ARSG: variants seen among roughly 807,000 people sequenced by gnomAD.
ARSG encodes ASG.
A neutral mutation model predicts 50.5 loss-of-function variants in ARSG; 37 were observed. The ratio of observed to expected loss-of-function variants is 0.73; its 90% confidence interval spans 0.56 to 0.96. The LOEUF (loss-of-function observed/expected upper bound fraction) is 0.96, where lower values mean the gene tolerates loss of function less well. Ranked by LOEUF, ARSG falls within the 50% of genes least tolerant of loss-of-function variation. ARSG has a pLI of 0.00. For synonymous variants in ARSG, 225 were observed against 254.6 expected, an observed-to-expected ratio of 0.88 and a Z score of 1.11; for missense variants, 629 against 675.3, an observed-to-expected ratio of 0.93 and a Z score of 0.76.
In ARSG at chr17:68,399,238, G is replaced by C. The variant is rs2081375336; in HGVS notation, c.1213-2122G>C. Among the ~76,000 whole-genome samples the C allele has an allele frequency of 1.3e-5, 2 of 152,288 alleles. No homozygotes were observed. Among genetic ancestry groups the C allele is most frequent in the East Asian group, 3.9e-4 (2 of 5,176 alleles). ...CTCTTAGGGAGGCCCCTAGTGGCGA[G>C]AGATGTCATCTGGCGTGGCTGGCAA... On this transcript the variant is annotated intron_variant, in intron 10 of 11. Transcript: ENST00000621439. This position sits in a 1 kb window ranked among gnomAD's most constrained non-coding sequence, Gnocchi z 4.6.
chr17:68,308,291 C>T (rs1414269709), intron 2 of ARSG, among the ~76,000 whole-genome samples: 2 of 152,184 alleles, frequency 1.3e-5, no homozygotes, highest in Non-Finnish European at 2.9e-5. Context: ...GTGAGTGTTA[C>T]AGCTCTTAAG....
At chr17:68,262,947 G>A (rs1555745537) in intron 1 of ARSG, among the ~76,000 whole-genome samples, 1 of 152,258 alleles carries the variant, frequency 6.6e-6, no homozygotes, top group African/African-American at 2.4e-5. Context: ...CCAGTGCAGA[G>A]AGGGTGCTTA....
intron 2 of ARSG, among the ~76,000 whole-genome samples, chr17:68,308,480 G>A (rs551878890): frequency 3.3e-5 from 5 of 152,084 alleles, no homozygotes; most frequent in East Asian, 3.9e-4. Context: ...TCGTGGTCTC[G>A]CTGGCTTCAG....
At chr17:68,281,792 G>T (rs1599545557) in intron 1 of ARSG, among the ~76,000 whole-genome samples, 1 of 152,114 alleles carries the variant, frequency 6.6e-6, no homozygotes, top group African/African-American at 2.4e-5. Flanking sequence ...GCGGAGAAAA[G>T]AACTCTTATA....
chr17:68,400,121 T>C (rs1359563406), intron 10 of ARSG: 1 of 152,172 alleles, frequency 6.6e-6, no homozygotes, highest in Non-Finnish European at 1.5e-5. Flanking sequence ...ATGTTTCTCA[T>C]TTTTTTCTTA....
At chr17:68,435,674 T>C in the ARSG span, 1 of 1,614,214 alleles carries the variant, frequency 6.2e-7, no homozygotes. Context: ...TGATGGCAGC[T>C]AGTGTTCCCT....
At chr17:68,357,326 G>A (rs764309751) in intron 6 of ARSG, among the ~76,000 whole-genome samples, 2 of 152,176 alleles carry the variant, frequency 1.3e-5, no homozygotes, top group Non-Finnish European at 2.9e-5. Context: ...GTTTTCTTGG[G>A]GAGTCTCTAG....
the ARSG span, among the ~76,000 whole-genome samples, chr17:68,434,342 T>C: frequency 6.6e-6 from 1 of 152,194 alleles, no homozygotes; most frequent in South Asian, 2.1e-4. Context: ...AAAGGGACTC[T>C]CACGGCTGAA....
At chr17:68,358,350 C>T (rs1313643399) in intron 6 of ARSG, among the ~76,000 whole-genome samples, 1 of 151,934 alleles carries the variant, frequency 6.6e-6, no homozygotes, top group Non-Finnish European at 1.5e-5. Context: ...GCCAGGAATT[C>T]CAGACTAGCC....
At chr17:68,362,108 A>G (rs575659102) in intron 6 of ARSG, among the ~76,000 whole-genome samples, 2 of 152,234 alleles carry the variant, frequency 1.3e-5, no homozygotes, top group Admixed American at 6.5e-5. Context: ...GATGAAAGAC[A>G]TGTTCCAGCC....
chr17:68,269,180 A>G, intron 1 of ARSG: 2 of 1,564,484 alleles, frequency 1.3e-6, no homozygotes, highest in Non-Finnish European at 1.7e-6. Context: ...TGTCCTGTAA[A>G]GTCTTCCCAC....
the ARSG span, chr17:68,430,249 A>G: frequency 1.5e-6 from 2 of 1,332,024 alleles, no homozygotes; most frequent in Non-Finnish European, 2.1e-6. Flanking sequence ...CATTAGCCAC[A>G]CTCCCCGCAG....
chr17:68,392,313 G>C (rs995982818), intron 9 of ARSG, among the ~76,000 whole-genome samples: 1 of 152,170 alleles, frequency 6.6e-6, no homozygotes, highest in African/African-American at 2.4e-5. Context: ...AGCACAACAG[G>C]CTGGAGGAAG....
At chr17:68,262,577 T>A (rs2075090938) in intron 1 of ARSG, among the ~76,000 whole-genome samples, 1 of 152,010 alleles carries the variant, frequency 6.6e-6, no homozygotes, top group Non-Finnish European at 1.5e-5. Flanking sequence ...AAGGATTTAG[T>A]TCAGACTTGT....
chr17:68,355,080 C>G (rs2078972226), intron 5 of ARSG, among the ~76,000 whole-genome samples: 1 of 152,190 alleles, frequency 6.6e-6, no homozygotes, highest in Non-Finnish European at 1.5e-5. Flanking sequence ...CAGCTTCTCT[C>G]TTGGTTCTCT....
the ARSG span, among the ~76,000 whole-genome samples, chr17:68,445,032 T>C: frequency 2.6e-5 from 4 of 151,004 alleles, no homozygotes; most frequent in Middle Eastern, 3.2e-3. Context: ...ACAATTCTCC[T>C]GCATCAGCCT....
rs2081376890 is a variant in ARSG, at chr17:68,399,278, T to C, written c.1213-2082T>C. On this transcript the variant is annotated intron_variant, in intron 10 of 11. Coordinates refer to ENST00000621439, the MANE Select transcript of ARSG (RefSeq NM_001267727.2). This position sits in a 1 kb window ranked among gnomAD's most constrained non-coding sequence, Gnocchi z 4.6. ...GTGGCTGGCAAACTGACCACCCCCATCCACCCCCTTTGGAGGCTGTAGCTG... is the reference window on the plus strand; with the variant it reads ...GTGGCTGGCAAACTGACCACCCCCACCCACCCCCTTTGGAGGCTGTAGCTG... 6.6e-6 allele frequency among the ~76,000 whole-genome samples: 1 copy of C among 152,082 alleles called. No homozygotes were observed. Among genetic ancestry groups the C allele is most frequent in the South Asian group, 2.1e-4 (1 of 4,824 alleles).
At chr17:68,278,103 A>T (rs1350571599) in intron 1 of ARSG, 6 of 1,613,198 alleles carry the variant, frequency 3.7e-6, no homozygotes, top group Non-Finnish European at 5.1e-6. Flanking sequence ...AAATGTTAAG[A>T]CAAACACACA....
intron 2 of ARSG, among the ~76,000 whole-genome samples, chr17:68,333,354 G>A (rs867890442): frequency 3.3e-5 from 5 of 150,834 alleles, no homozygotes; most frequent in Middle Eastern, 3.6e-3. Flanking sequence ...GAGGCCGGGC[G>A]TGGTGGCTCA....
Sources: allele counts gnomAD v4.1 joint callset (sites outside exome capture counted in the v4.1 genomes callset), GRCh38; gene constraint gnomAD v4.1.1; non-coding constraint Gnocchi (gnomAD v3.1); transcripts MANE v1.5; gene names NCBI Gene and HGNC (gene_info 2026-07-23, HGNC 2026-07-21).